The following DLGAP4 variants were observed in gnomAD, a reference collection of about 807,000 sequenced individuals.
The protein encoded by DLGAP4 is DLG associated protein 4, also known as disks large-associated protein 4.
A neutral mutation model predicts 86.9 loss-of-function variants in DLGAP4; 18 were observed. The observed-to-expected ratio is 0.21, with a 90% CI of 0.14 to 0.31. The LOEUF is 0.31. DLGAP4 is among the 10% of genes least tolerant of loss of function. The probability of loss-of-function intolerance (pLI) is 1.00; values close to 1 mark genes in which losing one functional copy is unlikely to be tolerated. For missense variants in DLGAP4, 1,085 were observed against 1,362.6 expected (o/e 0.80, Z 3.21); for synonymous variants, 548 against 574.3 (o/e 0.95, Z 0.65).
chr20:36,471,537 C>A (rs2034664134), intron 7 of DLGAP4, among the ~76,000 whole-genome samples: 1 of 152,158 alleles, frequency 6.6e-6, no homozygotes, highest in Non-Finnish European at 1.5e-5. Context: ...CCTCCTGAAT[C>A]CCAGTGCTGG....
intron 7 of DLGAP4, among the ~76,000 whole-genome samples, chr20:36,489,781 G>A (rs1351323568): frequency 6.6e-6 from 1 of 152,030 alleles, no homozygotes; most frequent in Non-Finnish European, 1.5e-5. Context: ...GGACTTGGGA[G>A]GATGCTGCCG....
At chr20:36,468,119 C>T (rs2034499791) in intron 7 of DLGAP4, among the ~76,000 whole-genome samples, 1 of 152,314 alleles carries the variant, frequency 6.6e-6, no homozygotes, top group East Asian at 1.9e-4. Context: ...TTTAGAATTC[C>T]TTAAAGGTGG....
chr20:36,306,484 G>T lies in DLGAP4; in HGVS notation c.-332G>T, dbSNP rs1555889494. 1 of 150,728 alleles carries T rather than the reference G, an allele frequency of 6.6e-6. No homozygotes were observed. Among genetic ancestry groups the T allele is most frequent in the African/African-American group, 2.4e-5 (1 of 41,178 alleles). The allele number at this position is 150,728 out of a possible 1,614,324, so 9.3% of individuals were successfully genotyped here. A position where few individuals can be genotyped will look rare whatever the true frequency, so the allele number is the denominator to read the frequency against. On this transcript the variant is annotated 5_prime_UTR_variant, in exon 1 of 13. Transcript: ENST00000339266. This position sits in a 1 kb window ranked among gnomAD's most constrained non-coding sequence, Gnocchi z 4.9. ...GCGGCGCAGCGGAACGGCAGAGCGG[G>T]CCGGAGGCGGCCGAGGCGCCCGGCG...
chr20:36,498,747 C>T (rs1361272916), intron 8 of DLGAP4: 1 of 154,918 alleles, frequency 6.5e-6, no homozygotes, highest in Non-Finnish European at 1.4e-5. Context: ...TGCCTCATGC[C>T]CTAGATTGAG....
chr20:36,414,265 G>T (rs2032590555), intron 2 of DLGAP4, among the ~76,000 whole-genome samples: 1 of 152,136 alleles, frequency 6.6e-6, no homozygotes, highest in Non-Finnish European at 1.5e-5. Context: ...AGACCCTGCT[G>T]GAATGGGAAG....
chr20:36,369,995 C>A (rs2030860910), intron 2 of DLGAP4, among the ~76,000 whole-genome samples: 1 of 152,092 alleles, frequency 6.6e-6, no homozygotes, highest in African/African-American at 2.4e-5. Flanking sequence ...GATGAGAAAC[C>A]AGACAGACTG....
At chr20:36,402,890 C>T (rs1210695817) in intron 2 of DLGAP4, among the ~76,000 whole-genome samples, 1 of 152,130 alleles carries the variant, frequency 6.6e-6, no homozygotes, top group Non-Finnish European at 1.5e-5. Context: ...GGCTTTTAGC[C>T]TGGGTGTGTT....
intron 9 of DLGAP4, 144 bp downstream of exon 9, chr20:36,499,820 A>C: frequency 2.5e-6 from 1 of 402,134 alleles, no homozygotes. Flanking sequence ...TGGCCCAGGC[A>C]TGGGAGGCTG....
At chr20:36,474,526 C>G (rs1033497385) in intron 7 of DLGAP4, among the ~76,000 whole-genome samples, 16 of 152,196 alleles carry the variant, frequency 1.1e-4, no homozygotes, top group Non-Finnish European at 2.2e-4. Context: ...TTGGATAGTT[C>G]TAGCCTCTCC....
At chr20:36,495,404 G>T (rs930339111) in intron 7 of DLGAP4, among the ~76,000 whole-genome samples, 1 of 152,116 alleles carries the variant, frequency 6.6e-6, no homozygotes, top group Non-Finnish European at 1.5e-5. Flanking sequence ...CCCCTTGAAG[G>T]CACAGTTTAT....
At chr20:36,507,389 A>C (rs557720125) in intron 10 of DLGAP4, among the ~76,000 whole-genome samples, 2 of 152,042 alleles carry the variant, frequency 1.3e-5, no homozygotes, top group East Asian at 3.9e-4. Flanking sequence ...CACCACGTCC[A>C]GCTAATTTTT....
intron 7 of DLGAP4, chr20:36,462,300 C>G: frequency 7.5e-7 from 1 of 1,335,704 alleles, no homozygotes; most frequent in Non-Finnish European, 9.5e-7. Flanking sequence ...TCTCTCAGGT[C>G]TCCGAGCACC....
intron 1 of DLGAP4, among the ~76,000 whole-genome samples, chr20:36,334,174 G>A (rs1294430289): frequency 6.6e-6 from 1 of 152,200 alleles, no homozygotes; most frequent in Non-Finnish European, 1.5e-5. Context: ...GTGGAGGGTG[G>A]GCAGACCAGA....
At chr20:36,380,057 C>T (rs2031315101) in intron 2 of DLGAP4, among the ~76,000 whole-genome samples, 1 of 151,796 alleles carries the variant, frequency 6.6e-6, no homozygotes, top group African/African-American at 2.4e-5. Flanking sequence ...GTGGCAGGCA[C>T]CTCTAGTTTC....
At chr20:36,348,487 C>T (rs547403933) in intron 1 of DLGAP4, among the ~76,000 whole-genome samples, 8 of 151,898 alleles carry the variant, frequency 5.3e-5, no homozygotes, top group Non-Finnish European at 1.2e-4. Context: ...GGCGCGATCT[C>T]GGCTCACTGC....
intron 2 of DLGAP4, among the ~76,000 whole-genome samples, chr20:36,400,878 G>A (rs2147482674): frequency 6.6e-6 from 1 of 152,256 alleles, no homozygotes; most frequent in Middle Eastern, 3.4e-3. Context: ...ATGTTTTGGA[G>A]GCCACCAGGC....
chr20:36,331,960 G>A (rs1005447157), intron 1 of DLGAP4, among the ~76,000 whole-genome samples: 24 of 151,890 alleles, frequency 1.6e-4, no homozygotes, highest in Admixed American at 2.0e-4. Flanking sequence ...GTTCAGATGC[G>A]GCTGGAAAAG....
chr20:36,319,480 C>A (rs1555890309), intron 1 of DLGAP4, among the ~76,000 whole-genome samples: 1 of 152,156 alleles, frequency 6.6e-6, no homozygotes, highest in Non-Finnish European at 1.5e-5. Flanking sequence ...CACCCGCACA[C>A]CCCCCGGAAC....
intron 1 of DLGAP4, among the ~76,000 whole-genome samples, chr20:36,365,307 C>T (rs1317011680): frequency 7.2e-5 from 11 of 152,214 alleles, no homozygotes; most frequent in Non-Finnish European, 1.6e-4. Flanking sequence ...AGTGACAACT[C>T]GGTCAGGAAC....
Sources: gnomAD v4.1 joint callset for allele counts (sites outside exome capture counted in the v4.1 genomes callset) on GRCh38, gnomAD v4.1.1 for gene constraint, Gnocchi (gnomAD v3.1) non-coding constraint, MANE v1.5 for transcripts, NCBI Gene and HGNC (gene_info 2026-07-23, HGNC 2026-07-21) for gene names.